DMD: variants seen among roughly 807,000 people sequenced by gnomAD.
DMD encodes the protein dystrophin.
Under a neutral mutation model 330.1 loss-of-function variants are expected in DMD, and 63 were observed. That is an observed-to-expected ratio of 0.19 (90% CI 0.16 to 0.24). The LOEUF (loss-of-function observed/expected upper bound fraction) is 0.24, where lower values mean the gene tolerates loss of function less well. Among genes scored for constraint, DMD ranks in the 10% least tolerant of loss-of-function variants. The probability of loss-of-function intolerance (pLI) is 1.00; values close to 1 mark genes in which losing one functional copy is unlikely to be tolerated. For synonymous variants in DMD, 1,223 were observed against 959.8 expected (o/e 1.27, Z -5.07); for missense variants, 3,344 against 2,684.1 (o/e 1.25, Z -5.43).
chrX:32,418,506 A>T (rs761167288), intron 29 of DMD, among the ~76,000 whole-genome samples: 110 of 111,898 alleles, frequency 9.8e-4, no homozygotes, highest in African/African-American at 3.5e-3. Context: ...ACCAACATAC[A>T]TGAATATAAA....
intron 55 of DMD, among the ~76,000 whole-genome samples, chrX:31,511,315 T>G (rs1162841526): frequency 1.3e-5 from 1 of 76,863 alleles, no homozygotes; most frequent in Non-Finnish European, 2.6e-5. Flanking sequence ...CATCATTTTT[T>G]ATTTATTTAT....
chrX:32,529,378 A>AATTTTTTT (rs1569139194), intron 17 of DMD, among the ~76,000 whole-genome samples: 17 of 73,060 alleles, frequency 2.3e-4, no homozygotes, highest in African/African-American at 9.2e-4. Context: ...GCAAAAATCA[A>AATTTTTTT]CTTTTTTTTT....
intron 52 of DMD, among the ~76,000 whole-genome samples, chrX:31,699,525 G>C (rs779836046): frequency 8.9e-6 from 1 of 112,209 alleles, no homozygotes; most frequent in Non-Finnish European, 1.9e-5. Flanking sequence ...TCTGGGCCAA[G>C]GCTATTTTTT....
At chrX:32,547,741 C>G (rs1455247863) in intron 16 of DMD, among the ~76,000 whole-genome samples, 1 of 110,809 alleles carries the variant, frequency 9.0e-6, no homozygotes, top group Non-Finnish European at 1.9e-5. Context: ...CTACGAAGGC[C>G]ATTTAACATG....
At position 31,256,026 on chromosome X, in the gene DMD, T is replaced by C. The variant is rs756524729; in HGVS notation, c.9286+4929A>G. Among the ~76,000 whole-genome samples the C allele has an allele frequency of 6.3e-5, 7 of 110,499 alleles. No individual in the cohort carries two copies. The South Asian group carries it at 2.8e-3, about 44-fold the overall frequency. ...TCCTGACTCAGGTGATCCGCCCACC[T>C]CGACCTCCCAAAGTGCTGGGATTAC... is the stretch of plus-strand genomic sequence containing the variant. On this transcript the variant is annotated intron_variant, in intron 63 of 78. Coordinates refer to ENST00000357033, the MANE Select transcript of DMD (RefSeq NM_004006.3).
chrX:33,174,790 T>G (rs1020728956), intron 1 of DMD, among the ~76,000 whole-genome samples: 4 of 112,251 alleles, frequency 3.6e-5, no homozygotes, highest in Admixed American at 1.9e-4. Flanking sequence ...TGCCTTATCA[T>G]GAAATTCATG....
intron 30 of DMD, among the ~76,000 whole-genome samples, chrX:32,408,958 T>C (rs2098131118): frequency 9.1e-6 from 1 of 109,635 alleles, no homozygotes; most frequent in African/African-American, 3.3e-5. Flanking sequence ...CCCATCTCTA[T>C]ATTTAAAATG....
At chrX:32,686,114 A>C (rs1569455143) in intron 9 of DMD, among the ~76,000 whole-genome samples, 2 of 112,020 alleles carry the variant, frequency 1.8e-5, no homozygotes, top group Non-Finnish European at 3.8e-5. Context: ...TTTGGTAACA[A>C]GTTTATGTTG....
intron 43 of DMD, among the ~76,000 whole-genome samples, chrX:32,276,685 C>T (rs981054232): frequency 5.4e-5 from 6 of 110,789 alleles, no homozygotes; most frequent in African/African-American, 1.6e-4. Context: ...TTTGGGAGGC[C>T]GAAGTAGGTG....
intron 1 of DMD, among the ~76,000 whole-genome samples, chrX:33,026,115 C>T (rs1052492412): frequency 9.2e-6 from 1 of 108,488 alleles, no homozygotes; most frequent in Non-Finnish European, 1.9e-5. Flanking sequence ...GTGGGCGGAT[C>T]ATGAGGTCAG....
chrX:32,615,284 T>C (rs1002157585), intron 11 of DMD, among the ~76,000 whole-genome samples: 1 of 111,030 alleles, frequency 9.0e-6, no homozygotes, highest in Non-Finnish European at 1.9e-5. Flanking sequence ...ATATAGAAAA[T>C]AGTGGGCTGG....
At chrX:32,437,482 T>C (rs759279196) in intron 29 of DMD, among the ~76,000 whole-genome samples, 3 of 112,143 alleles carry the variant, frequency 2.7e-5, no homozygotes, top group Non-Finnish European at 3.8e-5. Flanking sequence ...TATTCTCTTT[T>C]TTCTCTTCAT....
At position 33,203,895 on chromosome X, in the gene DMD, A is replaced by G. The variant is rs371358325; in HGVS notation, c.31+7387T>C. 2.7e-3 allele frequency among the ~76,000 whole-genome samples: 294 copies of G among 110,893 alleles called. 2 individuals carry two copies. Among genetic ancestry groups the G allele is most frequent in the African/African-American group, 9.4e-3 (288 of 30,585 alleles). On this transcript the variant is annotated intron_variant, in intron 1 of 78. Transcript: ENST00000357033. ...TCCTGTTGTTCCAATTTCCCTTCCAATCTCCTTGCAAATGGCACCATTATC... is the reference window on the plus strand; with the variant it reads ...TCCTGTTGTTCCAATTTCCCTTCCAGTCTCCTTGCAAATGGCACCATTATC...
chrX:31,420,514 T>G (rs1196874593), intron 60 of DMD, among the ~76,000 whole-genome samples: 3 of 112,592 alleles, frequency 2.7e-5, no homozygotes, highest in Non-Finnish European at 5.6e-5. Context: ...AACTCTCACC[T>G]GACATCTGTT....
intron 7 of DMD, among the ~76,000 whole-genome samples, chrX:32,806,328 T>A (rs966313022): frequency 2.8e-4 from 30 of 107,716 alleles, no homozygotes; most frequent in African/African-American, 9.2e-4. Context: ...AACAAAGATT[T>A]AAAAAAAACA....
chrX:31,266,768 G>C, intron 62 of DMD: 1 of 1,149,174 alleles, frequency 8.7e-7, no homozygotes, highest in East Asian at 3.0e-5. Context: ...CAAGTGCACG[G>C]ATTGCGGCCA....
chrX:32,280,969 A>G, intron 43 of DMD, among the ~76,000 whole-genome samples: 1 of 112,159 alleles, frequency 8.9e-6, no homozygotes, highest in Middle Eastern at 4.7e-3. Context: ...ACGATTAGGG[A>G]CTTTCTCTTC....
chrX:31,169,192 T>A (rs2039727737), intron 74 of DMD, among the ~76,000 whole-genome samples: 2 of 110,304 alleles, frequency 1.8e-5, no homozygotes, highest in Non-Finnish European at 3.8e-5. Context: ...ATGCAACAAG[T>A]CAAATACCAC....
intron 44 of DMD, among the ~76,000 whole-genome samples, chrX:32,100,448 A>G (rs1449548520): frequency 1.8e-5 from 2 of 108,818 alleles, no homozygotes; most frequent in Admixed American, 2.0e-4. Flanking sequence ...CTCACAAGGA[A>G]GTTTAAAGCC....
Sources: allele counts gnomAD v4.1 joint callset (sites outside exome capture counted in the v4.1 genomes callset), GRCh38; gene constraint gnomAD v4.1.1; transcripts MANE v1.5; gene names NCBI Gene and HGNC (gene_info 2026-07-23, HGNC 2026-07-21).